GALNT13: variants seen among roughly 807,000 people sequenced by gnomAD.
GALNT13 encodes UDP-GalNAc:polypeptide N-acetylgalactosaminyltransferase 13.
Under a neutral mutation model 64.2 loss-of-function variants are expected in GALNT13, and 28 were observed. That is an observed-to-expected ratio of 0.44 (90% confidence interval 0.32 to 0.60). The LOEUF is 0.60. GALNT13 is among the 20% of genes least tolerant of loss of function. The probability of loss-of-function intolerance (pLI) is 0.05; values close to 1 mark genes in which losing one functional copy is unlikely to be tolerated. For missense variants in GALNT13, 577 were observed against 669.8 expected (o/e 0.86, Z 1.53); for synonymous variants, 214 against 224.6 (o/e 0.95, Z 0.42).
the GALNT13 span, among the ~76,000 whole-genome samples, chr2:153,793,697 G>A: frequency 1.3e-5 from 2 of 150,292 alleles, no homozygotes; most frequent in Non-Finnish European, 3.0e-5. Flanking sequence ...CATATTACAT[G>A]TTATGTATCA....
chr2:154,366,164 G>A (rs532752142), intron 9 of GALNT13, among the ~76,000 whole-genome samples: 1 of 152,212 alleles, frequency 6.6e-6, no homozygotes, highest in East Asian at 1.9e-4. Context: ...ATCACAGCCA[G>A]TTATTCTCTT....
At chr2:153,541,725 T>C in the GALNT13 span, among the ~76,000 whole-genome samples, 1 of 152,218 alleles carries the variant, frequency 6.6e-6, no homozygotes, top group African/African-American at 2.4e-5. Context: ...AGAATCTAGC[T>C]GGACAGGGCT....
intron 3 of GALNT13, among the ~76,000 whole-genome samples, chr2:154,060,030 A>G (rs531882601): frequency 6.6e-6 from 1 of 152,272 alleles, no homozygotes; most frequent in African/African-American, 2.4e-5. Context: ...AGATGAAATA[A>G]TAAAGGTAGG....
At chr2:153,613,583 A>C in the GALNT13 span, among the ~76,000 whole-genome samples, 1 of 152,130 alleles carries the variant, frequency 6.6e-6, no homozygotes, top group East Asian at 1.9e-4. Flanking sequence ...AATATATACT[A>C]CTAATTTCTG....
the GALNT13 span, among the ~76,000 whole-genome samples, chr2:153,803,207 C>G: frequency 1.4e-4 from 21 of 152,210 alleles, no homozygotes; most frequent in African/African-American, 5.1e-4. Flanking sequence ...TGGATATTTT[C>G]ATTGTTTTAT....
the GALNT13 span, among the ~76,000 whole-genome samples, chr2:153,536,505 A>C: frequency 6.6e-6 from 1 of 152,094 alleles, no homozygotes; most frequent in Non-Finnish European, 1.5e-5. Context: ...GTTAAGATGA[A>C]GTGATGACTT....
chr2:153,476,927 TGG>T, the GALNT13 span, among the ~76,000 whole-genome samples: 1 of 151,878 alleles, frequency 6.6e-6, no homozygotes, highest in Non-Finnish European at 1.5e-5. Context: ...TGGCTGACGT[TGG>T]TTAGGGTAGA....
At chr2:153,760,592 G>GA in the GALNT13 span, among the ~76,000 whole-genome samples, 30 of 152,064 alleles carry the variant, frequency 2.0e-4, no homozygotes, top group African/African-American at 5.5e-4. Flanking sequence ...ACTTGGATTA[G>GA]AAAAAATATT....
At chr2:153,323,412 G>A in the GALNT13 span, among the ~76,000 whole-genome samples, 1 of 151,874 alleles carries the variant, frequency 6.6e-6, no homozygotes, top group African/African-American at 2.4e-5. Context: ...TGAATAGATT[G>A]CAAAATTTTT....
At chr2:153,561,553 T>A in the GALNT13 span, among the ~76,000 whole-genome samples, 1 of 152,106 alleles carries the variant, frequency 6.6e-6, no homozygotes, top group Non-Finnish European at 1.5e-5. Flanking sequence ...AATTTCCCAC[T>A]TGTGGTGTCA....
chr2:153,484,768 A>C, the GALNT13 span, among the ~76,000 whole-genome samples: 3 of 152,214 alleles, frequency 2.0e-5, no homozygotes, highest in Non-Finnish European at 4.4e-5. Context: ...ATGATTCAAT[A>C]GTCTAGCCTG....
At chr2:154,095,501 A>G (rs1397499512) in intron 3 of GALNT13, among the ~76,000 whole-genome samples, 1 of 151,956 alleles carries the variant, frequency 6.6e-6, no homozygotes, top group Non-Finnish European at 1.5e-5. Flanking sequence ...CCCCTATTTT[A>G]AAATTGCCAA....
intron 1 of GALNT13, among the ~76,000 whole-genome samples, chr2:153,889,108 A>AT (rs5835489): frequency 0.2 from 30,718 of 151,790 alleles, 4,073 homozygotes; most frequent in Middle Eastern, 0.34. Flanking sequence ...TGGAAAGTTG[A>AT]TTTTTCATTT....
chr2:153,642,825 C>A, the GALNT13 span, among the ~76,000 whole-genome samples: 4 of 151,708 alleles, frequency 2.6e-5, no homozygotes, highest in South Asian at 8.3e-4. Context: ...GGTAATAAAG[C>A]AATTTCTGAC....
At chr2:154,343,672 T>A (rs1695899167) in intron 9 of GALNT13, among the ~76,000 whole-genome samples, 1 of 152,098 alleles carries the variant, frequency 6.6e-6, no homozygotes, top group South Asian at 2.1e-4. Flanking sequence ...ATCCAAGATC[T>A]TCTTGAATAT....
rs143976403 is a variant in GALNT13, at chr2:154,359,770, T to A, written c.1157-36221T>A. On this transcript the variant is annotated intron_variant, in intron 9 of 12. Coordinates refer to ENST00000392825, the MANE Select transcript of GALNT13 (RefSeq NM_052917.4). ...TGTTGATACTGAAGATGCATTGATT[T>A]GTACAAGCCTAGCTTGAAATGGAGC... 3.1e-3 allele frequency among the ~76,000 whole-genome samples: 477 copies of A among 152,272 alleles called. 1 individual carries two copies. Among genetic ancestry groups the A allele is most frequent in the African/African-American group, 0.011 (447 of 41,576 alleles).
the GALNT13 span, among the ~76,000 whole-genome samples, chr2:153,435,279 T>A: frequency 1.3e-5 from 2 of 152,340 alleles, no homozygotes; most frequent in South Asian, 4.1e-4. Flanking sequence ...CCAGCTTTGT[T>A]CTTTTGGCTT....
chr2:153,359,727 C>A, the GALNT13 span, among the ~76,000 whole-genome samples: 78 of 145,008 alleles, frequency 5.4e-4, no homozygotes, highest in African/African-American at 1.9e-3. Flanking sequence ...GAATAAAACT[C>A]AGATATGACA....
chr2:153,171,931 A>T, the GALNT13 span: 1 of 152,248 alleles, frequency 6.6e-6, no homozygotes, highest in Non-Finnish European at 1.5e-5. Context: ...CACAGAAAAG[A>T]TAGCCCTTCC....
Sources: gnomAD v4.1 joint callset for allele counts (sites outside exome capture counted in the v4.1 genomes callset) on GRCh38, gnomAD v4.1.1 for gene constraint, MANE v1.5 for transcripts, NCBI Gene and HGNC (gene_info 2026-07-23, HGNC 2026-07-21) for gene names.